Variants in NAV2 observed in about 807,000 individuals in gnomAD.
NAV2 encodes helicase, APC down-regulated 1.
A neutral mutation model predicts 223.2 loss-of-function variants in NAV2; 54 were observed. The observed-to-expected ratio is 0.24, with a 90% CI of 0.19 to 0.30. The LOEUF (loss-of-function observed/expected upper bound fraction) is 0.30, where lower values mean the gene tolerates loss of function less well. NAV2 is among the 10% of genes least tolerant of loss of function. NAV2 has a pLI of 1.00. For synonymous variants in NAV2, 1,279 were observed against 1,239.3 expected, an observed-to-expected ratio of 1.03 and a Z score of -0.67; for missense variants, 2,806 against 3,147.5, an observed-to-expected ratio of 0.89 and a Z score of 2.60.
chr11:19,933,794 A>G lies in NAV2; in HGVS notation c.1550A>G (p.Lys517Arg), dbSNP rs181144904. 114 of 1,614,148 alleles carry G rather than the reference A, an allele frequency of 7.1e-5. No homozygotes were observed. The Admixed American group carries it at 1.9e-3, about 27-fold the overall frequency. Residue 517 changes from lysine (K) to arginine (R), a missense_variant, in exon 7 of 38, where the codon AAG becomes AGG. Lys to Arg is a conservative substitution (Grantham distance 26). Coordinates refer to ENST00000349880, the MANE Select transcript of NAV2 (RefSeq NM_145117.5). This position sits in a 1 kb window ranked among gnomAD's most constrained non-coding sequence, Gnocchi z 4.3. ...TCTGTGACGGAGAGGCTGGACCTCA[A>G]GGAGGAGCCAAAAGAAGACCCCAGT... ...RASVTERLDL[K>R]EEPKEDPSGA...
intron 10 of NAV2, among the ~76,000 whole-genome samples, chr11:19,960,920 A>C (rs973243391): frequency 8.0e-5 from 12 of 150,254 alleles, no homozygotes; most frequent in Admixed American, 2.6e-4. Flanking sequence ...GCCCAGGGCC[A>C]CCCTCTTTGC....
chr11:20,063,421 G>C (rs1305398158), intron 20 of NAV2, among the ~76,000 whole-genome samples: 2 of 152,154 alleles, frequency 1.3e-5, no homozygotes, highest in Non-Finnish European at 2.9e-5. Context: ...CGCCCAGGCT[G>C]GAGTAAAGTG....
rs538634567 is a variant in NAV2 at position 19,700,139 on chromosome 11, C to A, written c.76-132345C>A. On this transcript the variant is annotated intron_variant, in intron 1 of 37. Coordinates refer to the NAV2 transcript ENST00000360655. ...AATGTGTTCCAGGAAATATGGTAAT[C>A]ATAATAATAGTGGTGGCCATGTGTT... is the stretch of plus-strand genomic sequence containing the variant. Among the ~76,000 whole-genome samples, 3 of 152,302 alleles carry A rather than the reference C, an allele frequency of 2.0e-5. No individual in the cohort carries two copies. The South Asian group carries it at 6.2e-4, about 32-fold the overall frequency.
intron 31 of NAV2, 52 bp from the exon 32 acceptor site, chr11:20,100,885 G>A (rs186078432): frequency 1.2e-5 from 18 of 1,521,250 alleles, no homozygotes; most frequent in Non-Finnish European, 1.5e-5. Flanking sequence ...CAAGCACAGA[G>A]AGCTGCCTTT....
chr11:19,638,040 G>T (rs187296304), intron 1 of NAV2, among the ~76,000 whole-genome samples: 4 of 152,280 alleles, frequency 2.6e-5, no homozygotes, highest in Admixed American at 1.3e-4. Flanking sequence ...AACCTTAGGA[G>T]GTATATATTG....
chr11:20,118,085 C>A (rs766745520), intron 37 of NAV2, 48 bp from the exon 38 acceptor site: 4 of 1,602,296 alleles, frequency 2.5e-6, no homozygotes, highest in Non-Finnish European at 3.4e-6. Flanking sequence ...CCAGGGTGGG[C>A]GGCCAACTAG....
At chr11:20,045,805 G>A in intron 14 of NAV2, 135 bp downstream of exon 14, 1 of 751,598 alleles carries the variant, frequency 1.3e-6, no homozygotes, top group South Asian at 1.9e-5. Flanking sequence ...TGTCAGATCA[G>A]GCCGGCAGTT....
At chr11:19,815,034 G>A (rs2059022954) in intron 1 of NAV2, among the ~76,000 whole-genome samples, 1 of 152,048 alleles carries the variant, frequency 6.6e-6, no homozygotes, top group South Asian at 2.1e-4. Context: ...TTATAAAAAC[G>A]TTTAAACCCG....
intron 1 of NAV2, among the ~76,000 whole-genome samples, chr11:19,748,909 T>C: frequency 6.6e-6 from 1 of 152,210 alleles, no homozygotes; most frequent in Middle Eastern, 3.2e-3. Flanking sequence ...CAGGCAGAGA[T>C]AGGGAAGAAC....
intron 2 of NAV2, among the ~76,000 whole-genome samples, chr11:19,841,922 G>A (rs2060534313): frequency 6.6e-6 from 1 of 152,212 alleles, no homozygotes; most frequent in South Asian, 2.1e-4. Flanking sequence ...CTTCTCTTGT[G>A]AAGCAGGTAG....
intron 12 of NAV2, 113 bp from the exon 13 acceptor site, chr11:20,043,868 A>G: frequency 1.1e-6 from 1 of 900,300 alleles, no homozygotes; most frequent in South Asian, 1.7e-5. Flanking sequence ...TCTTTAAAGT[A>G]ATGCTTATTT....
At chr11:19,818,231 ATTTTTTTTT>A (rs34649376) in intron 1 of NAV2, among the ~76,000 whole-genome samples, 76 of 56,032 alleles carry the variant, frequency 1.4e-3, no homozygotes, top group Middle Eastern at 0.015. Context: ...GTATTTAGTG[ATTTTTTTTT>A]TTTTTTTTTT....
chr11:19,770,014 C>A (rs59440035), intron 1 of NAV2, among the ~76,000 whole-genome samples: 1 of 151,774 alleles, frequency 6.6e-6, no homozygotes, highest in South Asian at 2.1e-4. Context: ...CCACACCAAC[C>A]CTCACCCCCA....
intron 6 of NAV2, among the ~76,000 whole-genome samples, chr11:19,915,310 A>G (rs139545927): frequency 6.6e-6 from 1 of 152,322 alleles, no homozygotes; most frequent in East Asian, 1.9e-4. Context: ...ACTTGTGTTG[A>G]GAAGAGGGAA....
At chr11:19,878,832 G>C (rs1177025910) in intron 4 of NAV2, among the ~76,000 whole-genome samples, 3 of 152,164 alleles carry the variant, frequency 2.0e-5, no homozygotes, top group Admixed American at 1.3e-4. Flanking sequence ...TCCTTCACTA[G>C]CAGCCTCTTT....
chr11:19,723,182 A>G (rs557543551), intron 1 of NAV2, among the ~76,000 whole-genome samples: 1 of 152,328 alleles, frequency 6.6e-6, no homozygotes, highest in East Asian at 1.9e-4. Context: ...AGAAAAGCCT[A>G]GGATAGGACA....
At chr11:19,906,103 G>A (rs1205253521) in intron 6 of NAV2, among the ~76,000 whole-genome samples, 17 of 152,154 alleles carry the variant, frequency 1.1e-4, no homozygotes, top group Admixed American at 1.1e-3. Flanking sequence ...CTATGTCTGA[G>A]GGCATCTGGC....
chr11:19,741,312 C>T (rs2052773985), intron 1 of NAV2, among the ~76,000 whole-genome samples: 1 of 151,936 alleles, frequency 6.6e-6, no homozygotes, highest in African/African-American at 2.4e-5. Context: ...TTTCAGCATA[C>T]AATATAATAT....
chr11:19,624,689 C>T (rs2047111013), intron 1 of NAV2, among the ~76,000 whole-genome samples: 1 of 152,214 alleles, frequency 6.6e-6, no homozygotes, highest in South Asian at 2.1e-4. Context: ...AATTCCATGA[C>T]CCCTTGTGCT....
Sources: gnomAD v4.1 joint callset for allele counts (sites outside exome capture counted in the v4.1 genomes callset) on GRCh38, gnomAD v4.1.1 for gene constraint, Gnocchi (gnomAD v3.1) non-coding constraint, MANE v1.5 for transcripts, NCBI Gene and HGNC (gene_info 2026-07-23, HGNC 2026-07-21) for gene names.